RNF115: variants seen among roughly 807,000 people sequenced by gnomAD.
RNF115 encodes E3 ubiquitin-protein ligase RNF115.
In RNF115, 31 loss-of-function variants were observed where a neutral mutation model predicts 39.2. The ratio of observed to expected loss-of-function variants is 0.79; its 90% confidence interval spans 0.59 to 1.07. The LOEUF (loss-of-function observed/expected upper bound fraction) is 1.07. Ranked by LOEUF, RNF115 falls within the 50% of genes least tolerant of loss-of-function variation. The probability of loss-of-function intolerance (pLI) is 0.00; values close to 1 mark genes in which losing one functional copy is unlikely to be tolerated. For missense variants in RNF115, 384 were observed against 381.7 expected (o/e 1.01, Z -0.05); for synonymous variants, 124 against 131.0 (o/e 0.95, Z 0.37).
rs1657770324 is a variant in RNF115 at position 145,743,815 on chromosome 1, TAATAATA to T, written c.*3044_*3050del. The T allele has an allele frequency of 6.0e-4, 2 of 3,324 alleles. No homozygotes were observed. The highest frequency in any genetic ancestry group is 1.9e-3 in the Non-Finnish European group (2 of 1,064). 0.2% of individuals were successfully genotyped at this position (3,324 alleles called of 1,614,324 possible). A position where few individuals can be genotyped will look rare whatever the true frequency, so the allele number is the denominator to read the frequency against. ...ATAAATAAATAAATAAATAAATAAA[TAATAATA>T]ATAATAATAATAAATCCCTGAAGAA... is the stretch of plus-strand genomic sequence containing the variant. On this transcript the variant is annotated 3_prime_UTR_variant, in exon 9 of 9. Coordinates refer to ENST00000582693, the MANE Select transcript of RNF115 (RefSeq NM_014455.4).
chr1:145,753,898 A>T (rs1228213736), intron 4 of RNF115, among the ~76,000 whole-genome samples: 1 of 151,982 alleles, frequency 6.6e-6, no homozygotes, highest in African/African-American at 2.4e-5. Flanking sequence ...TTGTATACTT[A>T]GTAGATTTAG....
intron 6 of RNF115, 32 bp from the exon 7 acceptor site, chr1:145,750,532 G>T: frequency 6.5e-7 from 1 of 1,544,304 alleles, no homozygotes; most frequent in Non-Finnish European, 8.9e-7. Flanking sequence ...AAGACGAAGT[G>T]GCAGACATCG....
chr1:145,752,282 C>T (rs1658115295), intron 5 of RNF115, among the ~76,000 whole-genome samples: 1 of 152,104 alleles, frequency 6.6e-6, no homozygotes, highest in Non-Finnish European at 1.5e-5. Flanking sequence ...TGAAGTTCAG[C>T]ATAATGTTTT....
chr1:145,823,910 G>A lies in RNF115; in HGVS notation c.-37C>T, dbSNP rs1553725011. The A allele has an allele frequency of 4.9e-6, 7 of 1,429,234 alleles. No homozygotes were observed. Among genetic ancestry groups the A allele is most frequent in the East Asian group, 2.9e-5 (1 of 34,190 alleles). 88.5% of individuals were successfully genotyped at this position (1,429,234 alleles called of 1,614,324 possible). On this transcript the variant is annotated 5_prime_UTR_variant, in exon 1 of 9. Coordinates refer to ENST00000582693, the MANE Select transcript of RNF115 (RefSeq NM_014455.4). ...GCCGCGGCCGTCCGAGAGGGCAGCC[G>A]GCCCGTCCCTCGCCAGGCCGCTACC...
chr1:145,753,467 TAA>T (rs1658172975), intron 4 of RNF115, among the ~76,000 whole-genome samples: 1 of 152,074 alleles, frequency 6.6e-6, no homozygotes, highest in Admixed American at 6.5e-5. Flanking sequence ...AGATATCATT[TAA>T]AGAGTCCTTT....
intron 4 of RNF115, among the ~76,000 whole-genome samples, chr1:145,766,965 G>A (rs1398703859): frequency 1.5e-5 from 2 of 135,484 alleles, no homozygotes; most frequent in South Asian, 2.4e-4. Context: ...CCTCCCTCCC[G>A]GTCGGGGTGG....
At chr1:145,760,649 T>C (rs936965668) in intron 4 of RNF115, among the ~76,000 whole-genome samples, 1 of 152,154 alleles carries the variant, frequency 6.6e-6, no homozygotes, top group Admixed American at 6.5e-5. Flanking sequence ...TCCCCAGCCA[T>C]GTGGAACTGT....
chr1:145,805,276 G>A (rs1303687143), intron 1 of RNF115, among the ~76,000 whole-genome samples: 2 of 152,136 alleles, frequency 1.3e-5, no homozygotes, highest in African/African-American at 4.8e-5. Flanking sequence ...CAAACTGGTT[G>A]TTAACAGTAG....
chr1:145,798,258 T>C (rs959242063), intron 1 of RNF115, among the ~76,000 whole-genome samples: 1 of 152,190 alleles, frequency 6.6e-6, no homozygotes, highest in Non-Finnish European at 1.5e-5. Flanking sequence ...TTTTAAGTTA[T>C]AAGCCTTTCC....
chr1:145,817,623 T>C (rs1650048902), intron 1 of RNF115, among the ~76,000 whole-genome samples: 1 of 123,342 alleles, frequency 8.1e-6, no homozygotes, highest in Non-Finnish European at 1.8e-5. Context: ...TGATTTTAGG[T>C]TTGGGGGCAC....
chr1:145,794,783 C>T (rs587763546), intron 1 of RNF115, among the ~76,000 whole-genome samples: 3 of 151,588 alleles, frequency 2.0e-5, no homozygotes, highest in Admixed American at 6.6e-5. Flanking sequence ...TTTGGGAGGC[C>T]GAGGAGGGTG....
intron 4 of RNF115, among the ~76,000 whole-genome samples, chr1:145,766,966 G>A (rs1647335148): frequency 1.5e-5 from 2 of 136,098 alleles, no homozygotes; most frequent in South Asian, 4.8e-4. Context: ...CTCCCTCCCG[G>A]TCGGGGTGGC....
rs1553710971 is a variant in RNF115 at position 145,741,462 on chromosome 1, T to G, written c.*5404A>C. On this transcript the variant is annotated 3_prime_UTR_variant, in exon 9 of 9. Coordinates refer to ENST00000582693, the MANE Select transcript of RNF115 (RefSeq NM_014455.4). ...AGCATCACCAGCTGTATACATTGTATTCTATGCATTCTATTTTAAACCCCT... is the reference window on the plus strand; with the variant it reads ...AGCATCACCAGCTGTATACATTGTAGTCTATGCATTCTATTTTAAACCCCT... 2 of 152,198 alleles carry G rather than the reference T, an allele frequency of 1.3e-5. No homozygotes were observed. The highest frequency in any genetic ancestry group is 2.9e-5 in the Non-Finnish European group (2 of 68,034). 9.4% of individuals were successfully genotyped at this position (152,198 alleles called of 1,614,324 possible). A position where few individuals can be genotyped will look rare whatever the true frequency, so the allele number is the denominator to read the frequency against.
chr1:145,801,539 A>T (rs138792544), intron 1 of RNF115, among the ~76,000 whole-genome samples: 1 of 152,186 alleles, frequency 6.6e-6, no homozygotes, highest in South Asian at 2.1e-4. Flanking sequence ...ATGTCAAAAA[A>T]AAAGAAAGAA....
intron 1 of RNF115, among the ~76,000 whole-genome samples, chr1:145,814,572 A>C (rs1553723179): frequency 6.6e-6 from 1 of 151,802 alleles, no homozygotes; most frequent in Non-Finnish European, 1.5e-5. Context: ...GAAAGAGGGA[A>C]ACTCCGTTTA....
intron 4 of RNF115, among the ~76,000 whole-genome samples, chr1:145,765,996 CTTTT>C (rs587658468): frequency 6.6e-6 from 1 of 151,178 alleles, no homozygotes; most frequent in Non-Finnish European, 1.5e-5. Flanking sequence ...ACAAAGTACT[CTTTT>C]TCTTTTTTTT....
chr1:145,791,249 A>T (rs1648652325), intron 1 of RNF115, among the ~76,000 whole-genome samples: 1 of 152,032 alleles, frequency 6.6e-6, no homozygotes, highest in African/African-American at 2.4e-5. Context: ...GTGGTGGCTC[A>T]TGCCTGTAAT....
intron 1 of RNF115, among the ~76,000 whole-genome samples, chr1:145,792,510 A>AG (rs1648723572): frequency 6.6e-6 from 1 of 152,150 alleles, no homozygotes; most frequent in African/African-American, 2.4e-5. Context: ...AAGAAAAAAA[A>AG]AATCCCTCAT....
chr1:145,765,997 TTTTTC>T (rs1647248406), intron 4 of RNF115, among the ~76,000 whole-genome samples: 1 of 150,940 alleles, frequency 6.6e-6, no homozygotes, highest in African/African-American at 2.5e-5. Context: ...CAAAGTACTC[TTTTTC>T]TTTTTTTTTT....
Sources: gnomAD v4.1 joint callset for allele counts (sites outside exome capture counted in the v4.1 genomes callset) on GRCh38, gnomAD v4.1.1 for gene constraint, MANE v1.5 for transcripts, NCBI Gene and HGNC (gene_info 2026-07-23, HGNC 2026-07-21) for gene names.